The following RUNX1 variants were observed in gnomAD, a reference collection of about 807,000 sequenced individuals.
RUNX1 encodes runt-related transcription factor 1.
A neutral mutation model predicts 42.8 loss-of-function variants in RUNX1; 19 were observed. That is an observed-to-expected ratio of 0.44 (90% CI 0.31 to 0.65). The LOEUF (loss-of-function observed/expected upper bound fraction) is 0.65. RUNX1 is among the 30% of genes least tolerant of loss of function. RUNX1 has a pLI of 0.07. For synonymous variants in RUNX1, 271 were observed against 289.4 expected, an observed-to-expected ratio of 0.94 and a Z score of 0.64; for missense variants, 528 against 672.0, an observed-to-expected ratio of 0.79 and a Z score of 2.37.
At position 34,984,700 on chromosome 21, in the gene RUNX1, G is replaced by C. The variant is rs960149104; in HGVS notation, c.58+64142C>G. On this transcript the variant is annotated intron_variant, in intron 2 of 8. Transcript: ENST00000675419. ...CAGGAAGGAAAAGAAGGGAATGAAG[G>C]GTTGATGGAACAGTTCTAGAGGAAG... Among the ~76,000 whole-genome samples, 22 of 152,218 alleles carry C rather than the reference G, an allele frequency of 1.4e-4. 1 individual carries two copies. Among genetic ancestry groups the C allele is most frequent in the South Asian group, 8.3e-4 (4 of 4,814 alleles).
chr21:34,933,634 T>C (rs527255224), intron 2 of RUNX1, among the ~76,000 whole-genome samples: 1 of 152,222 alleles, frequency 6.6e-6, no homozygotes. Flanking sequence ...CCTATGTTCC[T>C]TTTGAAATAA....
intron 7 of RUNX1, among the ~76,000 whole-genome samples, chr21:34,819,495 G>A (rs985941883): frequency 2.6e-5 from 4 of 152,246 alleles, no homozygotes; most frequent in South Asian, 2.1e-4. Flanking sequence ...GAAGCCACCC[G>A]TCAATGCGGG....
chr21:34,913,099 G>C (rs191239511), intron 2 of RUNX1, among the ~76,000 whole-genome samples: 1 of 152,292 alleles, frequency 6.6e-6, no homozygotes. Flanking sequence ...GGGGGTGGTG[G>C]TGGGCACCTG....
chr21:34,803,548 G>GA (rs529325438), intron 7 of RUNX1, among the ~76,000 whole-genome samples: 5,283 of 145,124 alleles, frequency 0.036, 272 homozygotes, highest in African/African-American at 0.13. Context: ...CTCCGTCTCA[G>GA]AAAAAAAAAA....
chr21:34,834,790 TG>T (rs2057120107), intron 6 of RUNX1, among the ~76,000 whole-genome samples, 189 bp from the exon 7 acceptor site: 2 of 152,184 alleles, frequency 1.3e-5, no homozygotes, highest in South Asian at 4.1e-4. Flanking sequence ...CTCAGCAGAA[TG>T]GGCCCCCTTT....
rs76483661 is a variant in RUNX1 at position 34,904,517 on chromosome 21, A to T, written c.59-11554T>A. Among the ~76,000 whole-genome samples, 11 of 152,326 alleles carry T rather than the reference A, an allele frequency of 7.2e-5. No individual in the cohort carries two copies. In the East Asian group the frequency reaches 2.1e-3, roughly 29 times the overall value. ...AGCAAAGAAACAGATGATCACCAAA[A>T]TATTACCACAAATGAGCCCAAAAAT... is the stretch of plus-strand genomic sequence containing the variant. On this transcript the variant is annotated intron_variant, in intron 2 of 8. Coordinates refer to ENST00000675419, the MANE Select transcript of RUNX1 (RefSeq NM_001754.5).
intron 2 of RUNX1, among the ~76,000 whole-genome samples, chr21:35,012,220 T>A (rs957747321): frequency 1.3e-5 from 2 of 152,170 alleles, no homozygotes; most frequent in African/African-American, 2.4e-5. Context: ...GCTCCAAGAG[T>A]ACAGGTTAGT....
At chr21:34,900,414 G>A (rs1407326517) in intron 2 of RUNX1, among the ~76,000 whole-genome samples, 1 of 152,206 alleles carries the variant, frequency 6.6e-6, no homozygotes, top group East Asian at 1.9e-4. Context: ...TAGTGCTTGA[G>A]TGAGCTGTTT....
Position 34,847,767 on chromosome 21 carries a change from CA to C in RUNX1, c.613+11706del, listed in dbSNP as rs1313996897. Among the ~76,000 whole-genome samples, 3 of 152,228 alleles carry C rather than the reference CA, an allele frequency of 2.0e-5. No homozygotes were observed. In the East Asian group the frequency reaches 5.8e-4, roughly 29 times the overall value. On this transcript the variant is annotated intron_variant, in intron 6 of 8. Transcript: ENST00000675419. ...TCACCTCTCCCTCAAGGAAGTAGGG[CA>C]ACATGGTTGACAGGGTTATGTTTCA...
intron 2 of RUNX1, among the ~76,000 whole-genome samples, chr21:34,896,689 A>G (rs1201062834): frequency 1.3e-5 from 2 of 152,028 alleles, no homozygotes; most frequent in African/African-American, 4.8e-5. Context: ...TCTCATAAAA[A>G]GAAAAGAAAA....
intron 2 of RUNX1, among the ~76,000 whole-genome samples, chr21:34,935,773 G>A (rs2146612233): frequency 6.6e-6 from 1 of 152,162 alleles, no homozygotes; most frequent in East Asian, 1.9e-4. Flanking sequence ...AATGTCTCCT[G>A]ACATTGCCAA....
intron 2 of RUNX1, among the ~76,000 whole-genome samples, chr21:34,908,367 C>G (rs890371432): frequency 1.9e-4 from 29 of 152,196 alleles, no homozygotes; most frequent in African/African-American, 5.8e-4. Flanking sequence ...AATGTTTCTT[C>G]CCATTAATGA....
intron 7 of RUNX1, among the ~76,000 whole-genome samples, chr21:34,815,329 A>G (rs1446435295): frequency 6.6e-6 from 1 of 152,168 alleles, no homozygotes; most frequent in African/African-American, 2.4e-5. Flanking sequence ...GAAAATTAAA[A>G]TGTAATTCTG....
intron 2 of RUNX1, among the ~76,000 whole-genome samples, chr21:35,032,187 AAGG>A (rs1226933329): frequency 4.6e-5 from 7 of 152,226 alleles, no homozygotes; most frequent in Admixed American, 2.0e-4. Flanking sequence ...CATTTCACTG[AAGG>A]AGATTTTCCC....
In RUNX1 at chr21:34,887,062, G is replaced by A. The variant is rs1352139299; in HGVS notation, c.132C>T (p.Ser44=). ...TCATCTTGCCTGGGCTCAGCGCGGT[G>A]GAAGGCGGCGTGAAGCGGCGGCTCG... ...ASTSRRFTPP[S]TALSPGKMSE... The change falls in exon 4 of 9, where the codon TCC becomes TCT. Residue 44 remains serine (S), a synonymous_variant. Coordinates refer to ENST00000675419, the MANE Select transcript of RUNX1 (RefSeq NM_001754.5). The A allele has an allele frequency of 6.3e-7, 1 of 1,599,780 alleles. No individual in the cohort carries two copies. Among genetic ancestry groups the A allele is most frequent in the African/African-American group, 1.3e-5 (1 of 74,922 alleles).
intron 8 of RUNX1, among the ~76,000 whole-genome samples, chr21:34,794,233 A>G (rs1214927187): frequency 2.0e-5 from 3 of 152,170 alleles, no homozygotes; most frequent in Non-Finnish European, 4.4e-5. Context: ...CATAGTATTT[A>G]GGTTGAATGA....
At chr21:34,817,142 T>C (rs374102488) in intron 7 of RUNX1, among the ~76,000 whole-genome samples, 26 of 152,246 alleles carry the variant, frequency 1.7e-4, no homozygotes, top group South Asian at 1.2e-3. Flanking sequence ...AGTGAGCACA[T>C]TGGGTCTTCA....
chr21:34,792,029 G>C lies in RUNX1; in HGVS notation c.*106C>G. On this transcript the variant is annotated 3_prime_UTR_variant, in exon 9 of 9. Coordinates refer to ENST00000675419, the MANE Select transcript of RUNX1 (RefSeq NM_001754.5). The surrounding 1 kb of genome is among the most constrained non-coding windows in gnomAD (Gnocchi z 6.9). ...CGCCCTCGGCCCCAGGACGGTGGCC[G>C]GGCCCAGGGCCCGGGATCCCGGCGG... The C allele has an allele frequency of 1.4e-6, 1 of 704,224 alleles. No individual in the cohort carries two copies. Among genetic ancestry groups the C allele is most frequent in the East Asian group, 4.6e-5 (1 of 21,688 alleles). The allele number at this position is 704,224 out of a possible 1,614,324, so 43.6% of individuals were successfully genotyped here. A position where few individuals can be genotyped will look rare whatever the true frequency, so the allele number is the denominator to read the frequency against.
chr21:34,883,700 A>G (rs954865906), intron 4 of RUNX1, among the ~76,000 whole-genome samples: 2 of 152,232 alleles, frequency 1.3e-5, no homozygotes, highest in African/African-American at 2.4e-5. Flanking sequence ...AAGTTGGGCC[A>G]AATATCAACT....
Sources: gnomAD v4.1 joint callset for allele counts (sites outside exome capture counted in the v4.1 genomes callset) on GRCh38, gnomAD v4.1.1 for gene constraint, Gnocchi (gnomAD v3.1) non-coding constraint, MANE v1.5 for transcripts, NCBI Gene and HGNC (gene_info 2026-07-23, HGNC 2026-07-21) for gene names.